The following C5 variants were observed in gnomAD, a reference collection of about 807,000 sequenced individuals.
The protein encoded by C5 is C3 and PZP-like alpha-2-macroglobulin domain-containing protein 4.
C5 carries 140 observed loss-of-function variants against 218.8 expected under a neutral mutation model. The observed-to-expected ratio is 0.64, with a 90% confidence interval of 0.56 to 0.74. The LOEUF (loss-of-function observed/expected upper bound fraction) is 0.74. Among genes scored for constraint, C5 ranks in the 30% least tolerant of loss-of-function variants. The pLI is 0.00. For synonymous variants in C5, 614 were observed against 682.3 expected (o/e 0.90, Z 1.56); for missense variants, 1,700 against 1,969.6 (o/e 0.86, Z 2.59).
chr9:121,014,179 C>T, intron 16 of C5, 109 bp from the exon 17 acceptor site: 1 of 902,344 alleles, frequency 1.1e-6, no homozygotes, highest in Non-Finnish European at 1.8e-6. Context: ...GATCCCCCTA[C>T]CCACAATAGT....
intron 29 of C5, 91 bp downstream of exon 29, chr9:120,976,609 T>C (rs1164560156): frequency 1.0e-6 from 1 of 1,003,882 alleles, no homozygotes; most frequent in East Asian, 2.4e-5. Flanking sequence ...CATGCTCATT[T>C]GGTGGACAAA....
chr9:121,008,321 T>C (rs2047233067), intron 18 of C5, 87 bp downstream of exon 18: 7 of 931,712 alleles, frequency 7.5e-6, no homozygotes, highest in Admixed American at 1.7e-5. Flanking sequence ...ATGCAAGCTA[T>C]TGGGAAATGG....
upstream of C5, among the ~76,000 whole-genome samples, chr9:121,051,201 C>A (rs1239277742): frequency 6.6e-6 from 1 of 151,124 alleles, no homozygotes. Context: ...TGGCTCAGGG[C>A]AACCTCTGCC....
rs924838984 is a variant in C5, at chr9:120,967,585, G to C, written c.4220+1476C>G. 3.9e-5 allele frequency among the ~76,000 whole-genome samples: 6 copies of C among 152,118 alleles called. No individual in the cohort carries two copies. The East Asian group carries it at 1.2e-3, about 29-fold the overall frequency. ...TTAAGAAAATAGAACACAATAGAAA[G>C]GACTGAGGGACGATGGAAAGAACAG... On this transcript the variant is annotated intron_variant, in intron 33 of 40. Transcript: ENST00000223642.
intron 9 of C5, among the ~76,000 whole-genome samples, chr9:121,024,779 T>C (rs1485831429): frequency 1.3e-5 from 2 of 152,234 alleles, no homozygotes; most frequent in Non-Finnish European, 2.9e-5. Context: ...ATGGAATTCT[T>C]TCTTGCAACA....
the C5 span, among the ~76,000 whole-genome samples, chr9:121,056,236 C>T: frequency 6.6e-6 from 1 of 152,216 alleles, no homozygotes; most frequent in African/African-American, 2.4e-5. Context: ...TCCAGGAAAA[C>T]ATGGCCTCAC....
At position 120,997,717 on chromosome 9, in the gene C5, C is replaced by T. The variant is rs747743959; in HGVS notation, c.2620G>A (p.Asp874Asn). 1.2e-6 allele frequency: 2 copies of T among 1,614,174 alleles called. No homozygotes were observed. Among genetic ancestry groups the T allele is most frequent in the Admixed American group, 3.3e-5 (2 of 60,024 alleles). ...TTGGAGGACTTTGTGCCCTGATGAT[C>T]AATGACTGGGCTTTCCGAAGTGCAG... ...GICTSESPVI[D>N]HQGTKSSKCV... The change falls in exon 21 of 41, where the codon GAT (aspartate) becomes AAT (asparagine). Residue 874 changes from aspartate to asparagine, a missense_variant. By Grantham distance (23) the Asp-to-Asn change is conservative (BLOSUM62 1). Coordinates refer to ENST00000223642, the MANE Select transcript of C5 (RefSeq NM_001735.3).
rs553795881 is a variant in C5, at chr9:121,029,951, C to T, written c.758+446G>A. On this transcript the variant is annotated intron_variant, in intron 7 of 40. Transcript: ENST00000223642. ...AACTGGCTGCAGCTACATGGGTGAG[C>T]CCAGCTGACACCAGCCTGGCCCAGA... 2.6e-5 allele frequency among the ~76,000 whole-genome samples: 4 copies of T among 152,312 alleles called. No individual in the cohort carries two copies. The South Asian group carries it at 6.2e-4, about 24-fold the overall frequency.
At chr9:121,032,292 T>A (rs1239777099) in intron 5 of C5, 97 bp from the exon 6 acceptor site, 8 of 706,446 alleles carry the variant, frequency 1.1e-5, no homozygotes, top group Non-Finnish European at 2.0e-5. Context: ...GAGGGAAGAA[T>A]ACACAAAGAT....
intron 6 of C5, among the ~76,000 whole-genome samples, 182 bp downstream of exon 6, chr9:121,031,931 G>T (rs186139786): frequency 6.6e-6 from 1 of 152,280 alleles, no homozygotes; most frequent in Non-Finnish European, 1.5e-5. Context: ...GGCTATGGTG[G>T]TTGGTGCCTG....
chr9:121,034,494 C>T (rs2047506049), intron 5 of C5, among the ~76,000 whole-genome samples: 1 of 152,148 alleles, frequency 6.6e-6, no homozygotes, highest in Non-Finnish European at 1.5e-5. Flanking sequence ...AAGACCACAC[C>T]AGCCTTTTAA....
At chr9:121,054,381 C>A (rs1264749349), upstream of C5, among the ~76,000 whole-genome samples, 1 of 152,130 alleles carries the variant, frequency 6.6e-6, no homozygotes, top group Non-Finnish European at 1.5e-5. Context: ...AGGCAGATCA[C>A]CTGAGGTCAG....
intron 20 of C5, among the ~76,000 whole-genome samples, chr9:121,003,014 C>T (rs1417204859): frequency 2.6e-5 from 4 of 152,078 alleles, no homozygotes; most frequent in African/African-American, 7.2e-5. Flanking sequence ...TAATACTGGC[C>T]GGGAACAGTG....
the C5 span, among the ~76,000 whole-genome samples, chr9:121,058,000 A>G: frequency 6.6e-6 from 1 of 152,168 alleles, no homozygotes; most frequent in African/African-American, 2.4e-5. Context: ...TAATCAGTCT[A>G]GCAATTAAGA....
chr9:121,050,390 A>G, upstream of C5: 10 of 720,956 alleles, frequency 1.4e-5, no homozygotes, highest in South Asian at 1.5e-4. Flanking sequence ...TAGAATTGGA[A>G]CTAAAACACC....
chr9:121,022,268 T>G (rs1421295410), intron 10 of C5, among the ~76,000 whole-genome samples: 1 of 150,320 alleles, frequency 6.7e-6, no homozygotes, highest in East Asian at 2.0e-4. Context: ...TAGATACACC[T>G]TTTTTCCTTT....
intron 22 of C5, among the ~76,000 whole-genome samples, chr9:120,994,460 G>A (rs902757636): frequency 3.9e-5 from 6 of 152,094 alleles, no homozygotes; most frequent in African/African-American, 1.4e-4. Context: ...GTGAGTGCTT[G>A]TAATCCCAGC....
rs2131710685 is a variant in C5, at chr9:120,989,548, G to A, written c.3154+20C>T. The stretch of plus-strand genomic sequence containing the variant: ...GTTTAGAATCACCCAATTTTTATGT[G>A]AAATACTTTTTTTTTTTACCTTCTT... On this transcript the variant is annotated intron_variant, in intron 24 of 40. Coordinates refer to ENST00000223642, the MANE Select transcript of C5 (RefSeq NM_001735.3). 6.7e-7 allele frequency: 1 copy of A among 1,497,020 alleles called. No individual in the cohort carries two copies. The allele number at this position is 1,497,020 out of a possible 1,614,324, so 92.7% of individuals were successfully genotyped here.
intron 25 of C5, among the ~76,000 whole-genome samples, chr9:120,984,314 G>A (rs1240094418): frequency 1.3e-5 from 2 of 152,074 alleles, no homozygotes; most frequent in Non-Finnish European, 2.9e-5. Context: ...TTGACTTTTA[G>A]GGGGTAAGAG....
Sources: allele counts gnomAD v4.1 joint callset (sites outside exome capture counted in the v4.1 genomes callset), GRCh38; gene constraint gnomAD v4.1.1; transcripts MANE v1.5; gene names NCBI Gene and HGNC (gene_info 2026-07-23, HGNC 2026-07-21).